MMS19: variants seen among roughly 807,000 people sequenced by gnomAD.
MMS19 encodes the protein MMS19 cytosolic iron-sulfur assembly component.
In MMS19, 77 loss-of-function variants were observed where a neutral mutation model predicts 129.8. That is an observed-to-expected ratio of 0.59 (90% CI 0.49 to 0.72). MMS19 has a LOEUF of 0.72. Among genes scored for constraint, MMS19 ranks in the 30% least tolerant of loss-of-function variants. The pLI is 0.00. For missense variants in MMS19, 1,168 were observed against 1,266.3 expected, an observed-to-expected ratio of 0.92 and a Z score of 1.18; for synonymous variants, 491 against 502.8, an observed-to-expected ratio of 0.98 and a Z score of 0.31.
chr10:97,485,626 T>C (rs1263445734), intron 1 of MMS19, among the ~76,000 whole-genome samples: 1 of 152,076 alleles, frequency 6.6e-6, no homozygotes, highest in Non-Finnish European at 1.5e-5. Flanking sequence ...TTTTGTATTT[T>C]TAGTAGAGAT....
upstream of MMS19, chr10:97,498,756 T>G (rs965963862): frequency 7.1e-6 from 2 of 280,906 alleles, no homozygotes; most frequent in Non-Finnish European, 1.3e-5. Context: ...GTCGGTCACA[T>G]GCGCACCTGG....
intron 9 of MMS19, 92 bp from the exon 10 acceptor site, chr10:97,470,295 C>A: frequency 1.2e-6 from 1 of 846,600 alleles, no homozygotes; most frequent in Non-Finnish European, 2.0e-6. Flanking sequence ...TCCCTAAAAG[C>A]AGGTACTACA....
At position 97,498,018 on chromosome 10, in the gene MMS19, T is replaced by G. The variant is rs548572151; in HGVS notation, c.112+255A>C. Among the ~76,000 whole-genome samples, 34 of 152,352 alleles carry G rather than the reference T, an allele frequency of 2.2e-4. No homozygotes were observed. In the South Asian group the frequency reaches 7.0e-3, roughly 32 times the overall value. ...CAAGTCCTCTTGCCCTCGCTGAGCC[T>G]CAGTTTCCTCATCTGTAAAATGTAA... On this transcript the variant is annotated intron_variant, in intron 1 of 30. Coordinates refer to ENST00000438925, the MANE Select transcript of MMS19 (RefSeq NM_022362.5).
chr10:97,462,435 T>C, intron 20 of MMS19, 148 bp downstream of exon 20: 1 of 664,398 alleles, frequency 1.5e-6, no homozygotes. Flanking sequence ...CCCTTCCTTT[T>C]GTTTTGTCAA....
At chr10:97,468,486 C>T in intron 12 of MMS19, 80 bp from the exon 13 acceptor site, 2 of 1,375,338 alleles carry the variant, frequency 1.5e-6, no homozygotes, top group African/African-American at 2.9e-5. Context: ...AGGTTGGAGA[C>T]TGAGACCCAT....
chr10:97,461,996 T>C, intron 21 of MMS19, 21 bp downstream of exon 21: 5 of 1,575,066 alleles, frequency 3.2e-6, no homozygotes, highest in Non-Finnish European at 4.3e-6. Flanking sequence ...GCTTGAAGGA[T>C]GTAAGTTCTA....
chr10:97,480,727 C>A (rs182725378), intron 3 of MMS19, among the ~76,000 whole-genome samples: 6 of 152,268 alleles, frequency 3.9e-5, no homozygotes, highest in Admixed American at 3.9e-4. Flanking sequence ...GCGCCCAACA[C>A]CATGCCCAGC....
rs149826908 is a variant in MMS19 at position 97,462,088 on chromosome 10, G to A, written c.2044C>T (p.Pro682Ser). 423 of 1,585,956 alleles carry A rather than the reference G, an allele frequency of 2.7e-4. 1 individual carries two copies. Among genetic ancestry groups the A allele is most frequent in the Non-Finnish European group, 3.4e-4 (395 of 1,165,754 alleles). ...LAAQSVTHIV[P>S]LFLDGNVSFL... Reference sequence around the variant, plus strand: ...GACACGTTGCCATCCAAGAAGAGGGGCACAATGTGTGTCACACTCTGGGCA... The same window carrying A: ...GACACGTTGCCATCCAAGAAGAGGGACACAATGTGTGTCACACTCTGGGCA... Residue 682 changes from proline (P) to serine (S), a missense_variant, in exon 21 of 31, where the codon CCC becomes TCC. Around this residue, in one of 3 missense-constraint regions of MMS19, gnomAD observed 831 missense variants for 910.8 expected, o/e 0.91. Transcript: ENST00000438925.
At chr10:97,488,677 A>G (rs542895036) in intron 1 of MMS19, among the ~76,000 whole-genome samples, 2 of 152,362 alleles carry the variant, frequency 1.3e-5, no homozygotes, top group African/African-American at 4.8e-5. Context: ...TAATGACAGG[A>G]AAAAAGTCTA....
chr10:97,491,732 A>G (rs1038396521), intron 1 of MMS19, among the ~76,000 whole-genome samples: 1 of 152,270 alleles, frequency 6.6e-6, no homozygotes, highest in Non-Finnish European at 1.5e-5. Flanking sequence ...ACAAATAAAT[A>G]GCCATTTGCA....
At chr10:97,460,277 T>G (rs1204667151) in intron 25 of MMS19, 45 bp from the exon 26 acceptor site, 1 of 1,568,968 alleles carries the variant, frequency 6.4e-7, no homozygotes, top group Non-Finnish European at 8.7e-7. Flanking sequence ...AAGAAGAATC[T>G]TAAGTGCCAA....
At chr10:97,475,908 G>C (rs2135391586) in intron 8 of MMS19, among the ~76,000 whole-genome samples, 1 of 152,346 alleles carries the variant, frequency 6.6e-6, no homozygotes, top group South Asian at 2.1e-4. Flanking sequence ...CATTTCAGGA[G>C]ACAGGTGGTC....
intron 19 of MMS19, 66 bp from the exon 20 acceptor site, chr10:97,462,748 G>A: frequency 1.6e-6 from 2 of 1,273,128 alleles, no homozygotes; most frequent in Non-Finnish European, 1.1e-6. Context: ...GAATGATTGG[G>A]TTCTGTCAGC....
intron 2 of MMS19, among the ~76,000 whole-genome samples, chr10:97,481,384 T>C (rs1445393502): frequency 6.6e-6 from 1 of 152,196 alleles, no homozygotes; most frequent in East Asian, 1.9e-4. Context: ...GACATTCCTC[T>C]GAAATACAGC....
chr10:97,496,246 T>G (rs1355610761), intron 1 of MMS19, among the ~76,000 whole-genome samples: 1 of 152,226 alleles, frequency 6.6e-6, no homozygotes, highest in African/African-American at 2.4e-5. Flanking sequence ...GCAGTCCCAG[T>G]GGCTCATGCC....
Position 97,481,026 on chromosome 10 carries a change from G to C in MMS19, c.178C>G (p.Pro60Ala), listed in dbSNP as rs1020572546. Residue 60 changes from proline (P) to alanine (A), a missense_variant, in exon 3 of 31, where the codon CCA becomes GCA. By Grantham distance (27) the Pro-to-Ala change is conservative (BLOSUM62 -1). Around this residue, in one of 3 missense-constraint regions of MMS19, gnomAD observed 329 missense variants for 328.6 expected, o/e 1.00. Coordinates refer to ENST00000438925, the MANE Select transcript of MMS19 (RefSeq NM_022362.5). ...GCTCGTGCCCGAGTTCGGGGTTCTG[G>C]ATTCTCTAGAGAGGACCTAGGGGAA... is the stretch of plus-strand genomic sequence containing the variant. The part of the protein sequence containing the change: ...VEALGSSLEN[P>A]EPRTRARAIQ... 2.5e-6 allele frequency: 4 copies of C among 1,603,232 alleles called. No individual in the cohort carries two copies. Among genetic ancestry groups the C allele is most frequent in the Non-Finnish European group, 3.4e-6 (4 of 1,173,112 alleles).
intron 2 of MMS19, 96 bp downstream of exon 2, chr10:97,483,998 CTACAAGACA>C: frequency 1.4e-6 from 1 of 725,506 alleles, no homozygotes; most frequent in African/African-American, 1.8e-5. Flanking sequence ...GGCTGCTGGG[CTACAAGACA>C]AATTCAGGCT....
intron 2 of MMS19, among the ~76,000 whole-genome samples, chr10:97,481,351 T>C (rs2036761706): frequency 1.3e-5 from 2 of 152,142 alleles, no homozygotes; most frequent in Admixed American, 6.6e-5. Context: ...GTGCTTACTC[T>C]TTCTCCCCAG....
Position 97,498,315 on chromosome 10 carries a change from C to G in MMS19, c.70G>C (p.Val24Leu), listed in dbSNP as rs763909809. ...GALWGLVHDF[V>L]VGQQEGPADQ... Reference sequence around the variant, plus strand: ...GCGGGGCCCTCTTGCTGACCCACGACGAAGTCGTGCACGAGGCCCCATAGG... The same window carrying G: ...GCGGGGCCCTCTTGCTGACCCACGAGGAAGTCGTGCACGAGGCCCCATAGG... The change falls in exon 1 of 31, where the codon GTC becomes CTC. Residue 24 changes from valine (V) to leucine (L), a missense_variant. This residue lies in a region of MMS19 where 329 missense variants were observed against 328.6 expected (regional missense o/e 1.00). Coordinates refer to ENST00000438925, the MANE Select transcript of MMS19 (RefSeq NM_022362.5). The G allele has an allele frequency of 5.7e-6, 9 of 1,573,656 alleles. No homozygotes were observed. The highest frequency in any genetic ancestry group is 1.1e-5 in the South Asian group (1 of 87,410).
Sources: allele counts gnomAD v4.1 joint callset (sites outside exome capture counted in the v4.1 genomes callset), GRCh38; gene constraint gnomAD v4.1.1; regional missense constraint gnomAD v4.1.1; transcripts MANE v1.5; gene names NCBI Gene and HGNC (gene_info 2026-07-23, HGNC 2026-07-21).